FAM81A: variants seen among roughly 807,000 people sequenced by gnomAD.
FAM81A encodes family with sequence similarity 81 member A, also known as protein FAM81A.
Under a neutral mutation model 46.7 loss-of-function variants are expected in FAM81A, and 19 were observed. The observed-to-expected ratio is 0.41, with a 90% CI of 0.28 to 0.60. The LOEUF (loss-of-function observed/expected upper bound fraction) is 0.60, where lower values mean the gene tolerates loss of function less well. Among genes scored for constraint, FAM81A ranks in the 20% least tolerant of loss-of-function variants. The probability of loss-of-function intolerance (pLI) is 0.34; values close to 1 mark genes in which losing one functional copy is unlikely to be tolerated. For missense variants in FAM81A, 377 were observed against 453.5 expected (o/e 0.83, Z 1.53); for synonymous variants, 183 against 152.9 (o/e 1.20, Z -1.45).
chr15:59,473,528 T>C (rs1470233493), intron 3 of FAM81A, among the ~76,000 whole-genome samples: 1 of 152,148 alleles, frequency 6.6e-6, no homozygotes, highest in Non-Finnish European at 1.5e-5. Context: ...AAATACAAAC[T>C]TTTCCCATGT....
chr15:59,453,090 G>T (rs2081438696), intron 1 of FAM81A, among the ~76,000 whole-genome samples: 1 of 152,170 alleles, frequency 6.6e-6, no homozygotes, highest in African/African-American at 2.4e-5. Flanking sequence ...AAATAGATAT[G>T]TATTCTATCA....
chr15:59,440,838 T>C (rs1426722005), intron 1 of FAM81A, among the ~76,000 whole-genome samples: 2 of 152,174 alleles, frequency 1.3e-5, no homozygotes, highest in African/African-American at 4.8e-5. Flanking sequence ...AATCCTTTGT[T>C]TCAATGTGTT....
intron 1 of FAM81A, among the ~76,000 whole-genome samples, chr15:59,450,322 C>A (rs1172977677): frequency 6.6e-6 from 1 of 152,062 alleles, no homozygotes; most frequent in African/African-American, 2.4e-5. Flanking sequence ...GGCGTTCATT[C>A]CCCACTCCTC....
At chr15:59,453,033 G>T (rs1291828632) in intron 1 of FAM81A, among the ~76,000 whole-genome samples, 1 of 152,216 alleles carries the variant, frequency 6.6e-6, no homozygotes, top group African/African-American at 2.4e-5. Flanking sequence ...AAAGTGCTGG[G>T]ATCATAGGCA....
chr15:59,434,646 A>G (rs8038503), upstream of FAM81A, among the ~76,000 whole-genome samples: 151,135 of 152,336 alleles, frequency 0.99, 74,986 homozygotes, highest in Middle Eastern at 1. Context: ...TTCTCCTGCT[A>G]GTTCCTACAT....
At chr15:59,450,254 A>G (rs1437096433) in intron 1 of FAM81A, among the ~76,000 whole-genome samples, 1 of 151,458 alleles carries the variant, frequency 6.6e-6, no homozygotes, top group African/African-American at 2.4e-5. Flanking sequence ...TTTCAATACT[A>G]TTTGTTCTTT....
chr15:59,485,247 G>T (rs79967717), intron 3 of FAM81A, among the ~76,000 whole-genome samples: 13,178 of 152,220 alleles, frequency 0.087, 702 homozygotes, highest in African/African-American at 0.15. Flanking sequence ...TGATTGTAGA[G>T]CCCTAGGGCC....
chr15:59,444,749 A>G (rs769427252), intron 1 of FAM81A, among the ~76,000 whole-genome samples: 5 of 151,642 alleles, frequency 3.3e-5, no homozygotes, highest in Non-Finnish European at 7.4e-5. Context: ...CCCTCTCCCT[A>G]TTGACTGTTT....
intron 2 of FAM81A, among the ~76,000 whole-genome samples, chr15:59,459,726 C>G (rs1349489446): frequency 6.6e-6 from 1 of 152,086 alleles, no homozygotes; most frequent in African/African-American, 2.4e-5. Context: ...GAGACCGCTT[C>G]TAAAACACTG....
chr15:59,456,549 T>TCA (rs1375444409), intron 1 of FAM81A, among the ~76,000 whole-genome samples: 1 of 152,148 alleles, frequency 6.6e-6, no homozygotes, highest in African/African-American at 2.4e-5. Context: ...GTGCTTTTTT[T>TCA]CACAGGGTTA....
chr15:59,457,761 A>G (rs2081502262), intron 1 of FAM81A, among the ~76,000 whole-genome samples: 1 of 152,250 alleles, frequency 6.6e-6, no homozygotes, highest in African/African-American at 2.4e-5. Flanking sequence ...AGTGATTTCA[A>G]TCAGAAATGC....
intron 3 of FAM81A, among the ~76,000 whole-genome samples, chr15:59,467,803 C>G (rs2081633250): frequency 1.3e-5 from 2 of 152,088 alleles, no homozygotes; most frequent in Non-Finnish European, 1.5e-5. Context: ...CAAAGGAAAT[C>G]CTTCCAGTTT....
chr15:59,461,286 C>A (rs752412324), intron 3 of FAM81A, among the ~76,000 whole-genome samples: 23 of 151,976 alleles, frequency 1.5e-4, no homozygotes, highest in Admixed American at 3.9e-4. Context: ...CATCTGGCTT[C>A]TTTCTTTCCT....
chr15:59,409,585 C>G (rs770914534), intron 2 of FAM81A, among the ~76,000 whole-genome samples: 3 of 152,068 alleles, frequency 2.0e-5, no homozygotes, highest in Non-Finnish European at 4.4e-5. Context: ...GATCACTCAC[C>G]GGGACTGTCT....
At chr15:59,492,739 T>C (rs1341673371) in intron 4 of FAM81A, among the ~76,000 whole-genome samples, 1 of 152,210 alleles carries the variant, frequency 6.6e-6, no homozygotes, top group Non-Finnish European at 1.5e-5. Flanking sequence ...TTTCCTGTTA[T>C]TCATTTTTAT....
At chr15:59,423,328 C>T (rs1003830594) in intron 2 of FAM81A, among the ~76,000 whole-genome samples, 1 of 151,950 alleles carries the variant, frequency 6.6e-6, no homozygotes, top group Non-Finnish European at 1.5e-5. Context: ...TCGATCTCCT[C>T]ACCTCGTGAT....
At chr15:59,492,443 T>C in intron 4 of FAM81A, 54 bp downstream of exon 4, 1 of 1,388,218 alleles carries the variant, frequency 7.2e-7, no homozygotes, top group Admixed American at 1.9e-5. Context: ...TTCTATAAAC[T>C]CCATTATAGT....
At chr15:59,476,518 C>T (rs1446896223) in intron 3 of FAM81A, among the ~76,000 whole-genome samples, 1 of 152,218 alleles carries the variant, frequency 6.6e-6, no homozygotes, top group African/African-American at 2.4e-5. Flanking sequence ...GTGGCTCACG[C>T]CTGTAATCCC....
chr15:59,476,012 C>T (rs938702469), intron 3 of FAM81A, among the ~76,000 whole-genome samples: 1 of 152,162 alleles, frequency 6.6e-6, no homozygotes, highest in Non-Finnish European at 1.5e-5. Context: ...GATCAAAATG[C>T]TGGTAGATCC....
Sources: gnomAD v4.1 joint callset for allele counts (sites outside exome capture counted in the v4.1 genomes callset) on GRCh38, gnomAD v4.1.1 for gene constraint, MANE v1.5 for transcripts, NCBI Gene and HGNC (gene_info 2026-07-23, HGNC 2026-07-21) for gene names.